BTG1: variants seen among roughly 807,000 people sequenced by gnomAD.
BTG1 encodes the protein BTG anti-proliferation factor 1.
BTG1 carries 2 observed loss-of-function variants against 15.2 expected under a neutral mutation model. That is an observed-to-expected ratio of 0.13 (90% CI 0.05 to 0.41). The LOEUF (loss-of-function observed/expected upper bound fraction) is 0.41, where lower values mean the gene tolerates loss of function less well. BTG1 is among the 10% of genes least tolerant of loss of function. The pLI is 0.99. For synonymous variants in BTG1, 109 were observed against 82.4 expected, an observed-to-expected ratio of 1.32 and a Z score of -1.75; for missense variants, 149 against 215.0, an observed-to-expected ratio of 0.69 and a Z score of 1.92.
Position 92,143,461 on chromosome 12 carries a change from A to G in BTG1, c.*619T>C, listed in dbSNP as rs1276901842. On this transcript the variant is annotated 3_prime_UTR_variant, in exon 2 of 2. Coordinates refer to ENST00000256015, the MANE Select transcript of BTG1 (RefSeq NM_001731.3). The stretch of plus-strand genomic sequence containing the variant: ...ACCACAGTTGAGACAGTGTCTTTTT[A>G]AGGGTCTTTTTTAAAGCCTGTTGCC... The G allele has an allele frequency of 4.3e-6, 1 of 233,712 alleles. No individual in the cohort carries two copies. The highest frequency in any genetic ancestry group is 6.0e-5 in the East Asian group (1 of 16,542). The allele number at this position is 233,712 out of a possible 1,614,324, so 14.5% of individuals were successfully genotyped here. A position where few individuals can be genotyped will look rare whatever the true frequency, so the allele number is the denominator to read the frequency against.
In BTG1 at chr12:92,141,651, C is replaced by T. The variant is rs1375193191; in HGVS notation, c.*2429G>A. 8.6e-6 allele frequency: 2 copies of T among 231,516 alleles called. No homozygotes were observed. The highest frequency in any genetic ancestry group is 5.6e-5 in the Admixed American group (1 of 17,722). The allele number at this position is 231,516 out of a possible 1,614,324, so 14.3% of individuals were successfully genotyped here. A position where few individuals can be genotyped will look rare whatever the true frequency, so the allele number is the denominator to read the frequency against. The stretch of plus-strand genomic sequence containing the variant: ...AATACATCACAAACAGCTACTGTAC[C>T]GCAGATACAGGTTCAGCTCAATTGT... On this transcript the variant is annotated 3_prime_UTR_variant, in exon 2 of 2. Coordinates refer to ENST00000256015, the MANE Select transcript of BTG1 (RefSeq NM_001731.3).
Position 92,140,481 on chromosome 12 carries a change from AG to A in BTG1, c.*3598del. The A allele has an allele frequency of 4.4e-6, 1 of 228,938 alleles. No individual in the cohort carries two copies. 14.2% of individuals were successfully genotyped at this position (228,938 alleles called of 1,614,324 possible). ...CAAAAATATAACACTTAACATCAGA[AG>A]AAAATGATCTATAGGGATAAAGAAA... is the stretch of plus-strand genomic sequence containing the variant. On this transcript the variant is annotated 3_prime_UTR_variant, in exon 2 of 2. Coordinates refer to ENST00000256015, the MANE Select transcript of BTG1 (RefSeq NM_001731.3).
chr12:92,143,212 A>G lies in BTG1; in HGVS notation c.*868T>C, dbSNP rs570609656. ...TAGAAATCTGTACAACTTTGCCACA[A>G]TCAATATACATGAACTGTACAAATT... is the stretch of plus-strand genomic sequence containing the variant. On this transcript the variant is annotated 3_prime_UTR_variant, in exon 2 of 2. Transcript: ENST00000256015. The G allele has an allele frequency of 3.4e-5, 8 of 233,088 alleles. No homozygotes were observed. In the Admixed American group the frequency reaches 4.5e-4, roughly 13 times the overall value. The allele number at this position is 233,088 out of a possible 1,614,324, so 14.4% of individuals were successfully genotyped here.
In BTG1 at chr12:92,141,951, A is replaced by G. The variant is rs2136945252; in HGVS notation, c.*2129T>C. The G allele has an allele frequency of 4.3e-6, 1 of 232,364 alleles. No individual in the cohort carries two copies. The highest frequency in any genetic ancestry group is 1.8e-4 in the South Asian group (1 of 5,516). The allele number at this position is 232,364 out of a possible 1,614,324, so 14.4% of individuals were successfully genotyped here. Reference sequence around the variant, plus strand: ...AGTTTCAATGGAGTTACCAGATGAAATGTAGTTGGTAAACAACAGTAGTCA... The same window carrying G: ...AGTTTCAATGGAGTTACCAGATGAAGTGTAGTTGGTAAACAACAGTAGTCA... On this transcript the variant is annotated 3_prime_UTR_variant, in exon 2 of 2. Transcript: ENST00000256015.
chr12:92,145,403 G>A lies in BTG1; in HGVS notation c.133C>T (p.Gln45Ter), dbSNP rs377174658. ...CCCTGCTCACCTGCCAGCAGCTCCT[G>A]CAGGCTCTGGCTGAAGGTCTGCAGC... Reference protein sequence around the residue: ...RQLQTFSQSLQELLAEHYKHH... With the variant: ...RQLQTFSQSL The change falls in exon 1 of 2, where the codon CAG (glutamine) becomes TAG (stop). Residue 45 changes from glutamine (Q) to a stop codon, truncating the protein, a stop_gained. Transcript: ENST00000256015. LOFTEE classifies it high-confidence loss of function. The A allele has an allele frequency of 1.9e-6, 3 of 1,584,968 alleles. No homozygotes were observed. The highest frequency in any genetic ancestry group is 2.5e-5 in the East Asian group (1 of 40,678).
At position 92,145,467 on chromosome 12, in the gene BTG1, G is replaced by C. The variant is rs554483144; in HGVS notation, c.69C>G (p.Ser23=). The change falls in exon 1 of 2, where the codon TCC becomes TCG. Residue 23 remains serine, a synonymous_variant. Transcript: ENST00000256015. ...TGAGCCCCTTGGTGCGGAGAAACTTGGAGATGAAGGACACGGCGGCGGCGA... is the reference window on the plus strand; with the variant it reads ...TGAGCCCCTTGGTGCGGAGAAACTTCGAGATGAAGGACACGGCGGCGGCGA... ...GEIAAAVSFI[S]KFLRTKGLTS... The C allele has an allele frequency of 2.5e-6, 4 of 1,591,784 alleles. 1 individual carries two copies. The highest frequency in any genetic ancestry group is 1.7e-5 in the Admixed American group (1 of 58,078).
At position 92,143,803 on chromosome 12, in the gene BTG1, T is replaced by C; in HGVS notation, c.*277A>G. 1 of 382,030 alleles carries C rather than the reference T, an allele frequency of 2.6e-6. No individual in the cohort carries two copies. The highest frequency in any genetic ancestry group is 4.2e-5 in the South Asian group (1 of 23,840). 23.7% of individuals were successfully genotyped at this position (382,030 alleles called of 1,614,324 possible). ...ATTGATGTAAAAATTTAGGTATGTC[T>C]GGGAGAAACTGAAACCACCCTAGGA... is the stretch of plus-strand genomic sequence containing the variant. On this transcript the variant is annotated 3_prime_UTR_variant, in exon 2 of 2. Transcript: ENST00000256015.
Position 92,144,465 on chromosome 12 carries a change from A to C in BTG1, c.149-18T>G, listed in dbSNP as rs375066096. ...ATAATGTTCTATAGAAGAAAAGAAG[A>C]ACAGAGAAACAACGCTTAGGATCGT... On this transcript the variant is annotated intron_variant, in intron 1 of 1. Transcript: ENST00000256015. 1.4e-5 allele frequency: 23 copies of C among 1,609,958 alleles called. No homozygotes were observed. In the African/African-American group the frequency reaches 2.9e-4, roughly 21 times the overall value.
In BTG1 at chr12:92,143,187, T is replaced by C. The variant is rs763677370; in HGVS notation, c.*893A>G. The C allele has an allele frequency of 1.3e-5, 3 of 232,840 alleles. No individual in the cohort carries two copies. Among genetic ancestry groups the C allele is most frequent in the Non-Finnish European group, 2.5e-5 (3 of 117,674 alleles). The allele number at this position is 232,840 out of a possible 1,614,324, so 14.4% of individuals were successfully genotyped here. On this transcript the variant is annotated 3_prime_UTR_variant, in exon 2 of 2. Coordinates refer to ENST00000256015, the MANE Select transcript of BTG1 (RefSeq NM_001731.3). ...GAAGAAAAATTTCTCATCCAAAATA[T>C]AGAAATCTGTACAACTTTGCCACAA...
intron 1 of BTG1, chr12:92,145,149 C>A: frequency 2.2e-6 from 1 of 450,696 alleles, no homozygotes; most frequent in South Asian, 5.5e-5. Context: ...CTTTGTTGTG[C>A]GTGTTGTCTT....
chr12:92,144,523 C>A lies in BTG1; in HGVS notation c.149-76G>T, dbSNP rs28399540. 2,059 of 1,571,464 alleles carry A rather than the reference C, an allele frequency of 1.3e-3. 51 individuals carry two copies. The South Asian group carries it at 0.023, about 17-fold the overall frequency. On this transcript the variant is annotated intron_variant, in intron 1 of 1. Transcript: ENST00000256015. ...CACTGCGGATTCCTCCTACCCCAGG[C>A]TCCTTTGAGGAGCGAAAATGAAAAC... is the stretch of plus-strand genomic sequence containing the variant.
Position 92,145,590 on chromosome 12 carries a change from G to T in BTG1, c.-55C>A. Reference sequence around the variant, plus strand: ...GGCTGGGGCTCGGCGGCGCGGCCCCGACGGCGGAGCAGCCACCCCGGGCTT... The same window carrying T: ...GGCTGGGGCTCGGCGGCGCGGCCCCTACGGCGGAGCAGCCACCCCGGGCTT... On this transcript the variant is annotated 5_prime_UTR_variant, in exon 1 of 2. Coordinates refer to ENST00000256015, the MANE Select transcript of BTG1 (RefSeq NM_001731.3). 1 of 1,236,614 alleles carries T rather than the reference G, an allele frequency of 8.1e-7. No homozygotes were observed. The highest frequency in any genetic ancestry group is 1.0e-6 in the Non-Finnish European group (1 of 977,668). The allele number at this position is 1,236,614 out of a possible 1,614,324, so 76.6% of individuals were successfully genotyped here.
chr12:92,144,809 A>C (rs148146025), intron 1 of BTG1, among the ~76,000 whole-genome samples: 49 of 152,208 alleles, frequency 3.2e-4, no homozygotes, highest in African/African-American at 1.1e-3. Flanking sequence ...GGCTTTGGAG[A>C]TGAGAAGCGC....
In BTG1 at chr12:92,145,280, A is replaced by C. The variant is rs1592658127; in HGVS notation, c.148+108T>G. 19 of 1,325,058 alleles carry C rather than the reference A, an allele frequency of 1.4e-5. No individual in the cohort carries two copies. The East Asian group carries it at 5.3e-4, about 37-fold the overall frequency. 82.1% of individuals were successfully genotyped at this position (1,325,058 alleles called of 1,614,324 possible). On this transcript the variant is annotated intron_variant, in intron 1 of 1. Transcript: ENST00000256015. ...CCACACCGGTCCCGCGGCGGGGCCC[A>C]AGCGCGACCGGCCCCGGGGCGCTGC... is the stretch of plus-strand genomic sequence containing the variant.
Position 92,145,445 on chromosome 12 carries a change from G to A in BTG1, c.91C>T (p.Leu31Phe), listed in dbSNP as rs2136949978. The change falls in exon 1 of 2, where the codon CTC (leucine) becomes TTC (phenylalanine). Residue 31 changes from leucine (L) to phenylalanine (F), a missense_variant. This residue lies in a region of BTG1 where 63 missense variants were observed against 60.8 expected (regional missense o/e 1.04). Transcript: ENST00000256015. ...GTCTGCAGCTGTCGCTCGCTCGTGA[G>A]CCCCTTGGTGCGGAGAAACTTGGAG... ...FISKFLRTKG[L>F]TSERQLQTFS... 1 of 1,592,652 alleles carries A rather than the reference G, an allele frequency of 6.3e-7. No individual in the cohort carries two copies. The highest frequency in any genetic ancestry group is 8.5e-7 in the Non-Finnish European group (1 of 1,170,988).
In BTG1 at chr12:92,145,538, G is replaced by A. The variant is rs1038725847; in HGVS notation, c.-3C>T. The A allele has an allele frequency of 6.7e-7, 1 of 1,497,170 alleles. No individual in the cohort carries two copies. The highest frequency in any genetic ancestry group is 8.9e-7 in the Non-Finnish European group (1 of 1,118,246). The allele number at this position is 1,497,170 out of a possible 1,614,324, so 92.7% of individuals were successfully genotyped here. Reference sequence around the variant, plus strand: ...GCCCGGGTGTAGAAGGGATGCATGGGGGCGGCGTGCGGGGGCGGCCCGGGG... The same window carrying A: ...GCCCGGGTGTAGAAGGGATGCATGGAGGCGGCGTGCGGGGGCGGCCCGGGG... On this transcript the variant is annotated 5_prime_UTR_variant, in exon 1 of 2. Transcript: ENST00000256015.
rs1036504879 is a variant in BTG1 at position 92,140,759 on chromosome 12, T to C, written c.*3321A>G. The C allele has an allele frequency of 5.2e-5, 12 of 232,314 alleles. No individual in the cohort carries two copies. The highest frequency in any genetic ancestry group is 2.6e-4 in the African/African-American group (12 of 45,318). 14.4% of individuals were successfully genotyped at this position (232,314 alleles called of 1,614,324 possible). ...GAGACTGAGAGATAAGTCTAAAATG[T>C]TGGCAGTCTGTATACCTTCAGATAA... is the stretch of plus-strand genomic sequence containing the variant. On this transcript the variant is annotated 3_prime_UTR_variant, in exon 2 of 2. Transcript: ENST00000256015.
rs1870195123 is a variant in BTG1, at chr12:92,141,174, TACAAA to T, written c.*2901_*2905del. ...CCAATTTCATAAACTGCAACACCTA[TACAAA>T]ACAAAATTAATTACTTGCAATGTGT... is the stretch of plus-strand genomic sequence containing the variant. On this transcript the variant is annotated 3_prime_UTR_variant, in exon 2 of 2. Coordinates refer to ENST00000256015, the MANE Select transcript of BTG1 (RefSeq NM_001731.3). 1 of 232,720 alleles carries T rather than the reference TACAAA, an allele frequency of 4.3e-6. No homozygotes were observed. Among genetic ancestry groups the T allele is most frequent in the Non-Finnish European group, 8.5e-6 (1 of 117,728 alleles). The allele number at this position is 232,720 out of a possible 1,614,324, so 14.4% of individuals were successfully genotyped here.
rs1301243762 is a variant in BTG1 at position 92,141,888 on chromosome 12, AG to A, written c.*2191del. 1 of 231,636 alleles carries A rather than the reference AG, an allele frequency of 4.3e-6. No homozygotes were observed. The highest frequency in any genetic ancestry group is 8.5e-6 in the Non-Finnish European group (1 of 117,372). The allele number at this position is 231,636 out of a possible 1,614,324, so 14.3% of individuals were successfully genotyped here. A position where few individuals can be genotyped will look rare whatever the true frequency, so the allele number is the denominator to read the frequency against. ...CAAAAACAACTTTCCATTTGAAAAA[AG>A]GCTTTATGATAAAAAAAAAAAATGG... On this transcript the variant is annotated 3_prime_UTR_variant, in exon 2 of 2. Coordinates refer to ENST00000256015, the MANE Select transcript of BTG1 (RefSeq NM_001731.3).
Sources: allele counts gnomAD v4.1 joint callset (sites outside exome capture counted in the v4.1 genomes callset), GRCh38; gene constraint gnomAD v4.1.1; regional missense constraint gnomAD v4.1.1; transcripts MANE v1.5; gene names NCBI Gene and HGNC (gene_info 2026-07-23, HGNC 2026-07-21).